Variants in GABRA4 observed in about 807,000 individuals in gnomAD.
GABRA4 encodes the protein gamma-aminobutyric acid receptor subunit alpha-4.
A neutral mutation model predicts 49.7 loss-of-function variants in GABRA4; 12 were observed. The ratio of observed to expected loss-of-function variants is 0.24; its 90% CI spans 0.15 to 0.39. GABRA4 has a LOEUF of 0.39. GABRA4 is among the 10% of genes least tolerant of loss of function. GABRA4 has a pLI of 1.00. For synonymous variants in GABRA4, 288 were observed against 240.2 expected (o/e 1.20, Z -1.84); for missense variants, 506 against 686.0 (o/e 0.74, Z 2.93).
intron 8 of GABRA4, among the ~76,000 whole-genome samples, chr4:46,959,386 T>C (rs891194559): frequency 6.6e-6 from 1 of 151,962 alleles, no homozygotes; most frequent in African/African-American, 2.4e-5. Flanking sequence ...ATATGAAGCA[T>C]ATAATGCAAA....
At chr4:46,991,603 G>A (rs114533777) in intron 2 of GABRA4, among the ~76,000 whole-genome samples, 2,217 of 152,240 alleles carry the variant, frequency 0.015, 50 homozygotes, top group African/African-American at 0.051. Context: ...TCTAATATTA[G>A]ATGATACTCA....
chr4:46,924,985 A>G lies in GABRA4; in HGVS notation c.*3240T>C, dbSNP rs1378235682. The G allele has an allele frequency of 6.6e-6, 1 of 151,966 alleles. No homozygotes were observed. Among genetic ancestry groups the G allele is most frequent in the Admixed American group, 6.6e-5 (1 of 15,228 alleles). 9.4% of individuals were successfully genotyped at this position (151,966 alleles called of 1,614,324 possible). On this transcript the variant is annotated 3_prime_UTR_variant, in exon 9 of 9. Coordinates refer to ENST00000264318, the MANE Select transcript of GABRA4 (RefSeq NM_000809.4). ...CACCTGGTGTCTTTTACTGGAGAAT[A>G]TTTACAAATTGAGAAGAGAAGACCA...
intron 2 of GABRA4, among the ~76,000 whole-genome samples, chr4:46,986,281 G>A (rs191067130): frequency 5.9e-4 from 89 of 151,894 alleles, no homozygotes; most frequent in Non-Finnish European, 1.1e-3. Context: ...TCTCTCGAAT[G>A]CACTCAATCA....
chr4:46,956,908 A>T (rs1722387263), intron 8 of GABRA4, among the ~76,000 whole-genome samples: 1 of 152,100 alleles, frequency 6.6e-6, no homozygotes, highest in Non-Finnish European at 1.5e-5. Flanking sequence ...GTGCTGTATG[A>T]AGCTATAATT....
intron 2 of GABRA4, among the ~76,000 whole-genome samples, chr4:46,992,278 C>T (rs537044344): frequency 1.3e-5 from 2 of 151,958 alleles, no homozygotes; most frequent in Admixed American, 1.3e-4. Flanking sequence ...TGACACATCA[C>T]CAAAAAAGAA....
chr4:46,953,235 C>T (rs1273847834), intron 8 of GABRA4, among the ~76,000 whole-genome samples: 1 of 152,028 alleles, frequency 6.6e-6, no homozygotes, highest in Non-Finnish European at 1.5e-5. Context: ...TAAAATACAC[C>T]TCACCACCAA....
intron 8 of GABRA4, among the ~76,000 whole-genome samples, chr4:46,962,470 A>G (rs1451337397): frequency 6.6e-6 from 1 of 151,970 alleles, no homozygotes; most frequent in Non-Finnish European, 1.5e-5. Context: ...ACACCAAAAA[A>G]TGGAAAAAGA....
chr4:46,966,768 A>T (rs1722768188), intron 7 of GABRA4, among the ~76,000 whole-genome samples: 1 of 151,830 alleles, frequency 6.6e-6, no homozygotes, highest in Non-Finnish European at 1.5e-5. Flanking sequence ...ATTTATAAAG[A>T]TCTGAGAATC....
chr4:46,952,529 C>A (rs1474274299), intron 8 of GABRA4, among the ~76,000 whole-genome samples: 1 of 151,940 alleles, frequency 6.6e-6, no homozygotes, highest in African/African-American at 2.4e-5. Flanking sequence ...TAAGTCATAC[C>A]CAAACTGATG....
intron 8 of GABRA4, among the ~76,000 whole-genome samples, chr4:46,937,887 C>A (rs1235947708): frequency 6.6e-6 from 1 of 152,114 alleles, no homozygotes; most frequent in African/African-American, 2.4e-5. Flanking sequence ...AATATCTTCA[C>A]CTCCCTGAAT....
rs550216325 is a variant in GABRA4 at position 46,931,320 on chromosome 4, C to T, written c.1135-2565G>A. On this transcript the variant is annotated intron_variant, in intron 8 of 8. Transcript: ENST00000264318. ...GTCTTAATAGTATAGTATAAATAGC[C>T]TCAAACACTGCTCTGGTATTGTCTA... Among the ~76,000 whole-genome samples, 27 of 152,138 alleles carry T rather than the reference C, an allele frequency of 1.8e-4. 1 individual carries two copies. Among genetic ancestry groups the T allele is most frequent in the Admixed American group, 1.2e-3 (19 of 15,250 alleles).
At chr4:46,959,627 C>T (rs778419781) in intron 8 of GABRA4, among the ~76,000 whole-genome samples, 1 of 151,340 alleles carries the variant, frequency 6.6e-6, no homozygotes, top group Non-Finnish European at 1.5e-5. Context: ...TTTCAGGGAG[C>T]CCATGGAAGA....
intron 8 of GABRA4, among the ~76,000 whole-genome samples, chr4:46,936,650 C>G (rs1721612607): frequency 6.6e-6 from 1 of 152,150 alleles, no homozygotes; most frequent in Non-Finnish European, 1.5e-5. Flanking sequence ...GCAATCCCAA[C>G]CTACAAGAAT....
intron 3 of GABRA4, among the ~76,000 whole-genome samples, chr4:46,978,400 A>C (rs1173260959): frequency 2.0e-5 from 3 of 152,020 alleles, no homozygotes; most frequent in African/African-American, 7.2e-5. Flanking sequence ...TTCCTAAAGA[A>C]AAAACAGCCG....
At chr4:46,991,791 G>A (rs967092806) in intron 2 of GABRA4, among the ~76,000 whole-genome samples, 1 of 152,150 alleles carries the variant, frequency 6.6e-6, no homozygotes. Context: ...GTTAAACAGA[G>A]TGGTGATGCC....
chr4:46,929,988 G>A (rs1721374497), intron 8 of GABRA4, among the ~76,000 whole-genome samples: 1 of 151,958 alleles, frequency 6.6e-6, no homozygotes. Context: ...TAGACATAAA[G>A]GTTTATTCTA....
chr4:46,982,955 G>A (rs140349027), intron 2 of GABRA4, among the ~76,000 whole-genome samples: 69 of 152,092 alleles, frequency 4.5e-4, no homozygotes, highest in African/African-American at 1.4e-3. Context: ...AACAATAAGC[G>A]AAGATACAAT....
intron 2 of GABRA4, 119 bp downstream of exon 2, chr4:46,992,707 AAG>A (rs1249853630): frequency 1.4e-5 from 11 of 764,662 alleles, no homozygotes; most frequent in South Asian, 7.7e-5. Flanking sequence ...GAGAGATAGA[AAG>A]AGAGAGAGAT....
rs574219397 is a variant in GABRA4 at position 46,970,906 on chromosome 4, G to A, written c.874+177C>T. Among the ~76,000 whole-genome samples the A allele has an allele frequency of 1.7e-4, 26 of 151,618 alleles. No individual in the cohort carries two copies. In the South Asian group the frequency reaches 5.4e-3, roughly 31 times the overall value. On this transcript the variant is annotated intron_variant, in intron 7 of 8. Coordinates refer to ENST00000264318, the MANE Select transcript of GABRA4 (RefSeq NM_000809.4). ...CCTGGCCCCAGAGGAAAGGAAGGAT[G>A]CCCAAATCTCCCCAAGCTTTATTAC...
Sources: gnomAD v4.1 joint callset for allele counts (sites outside exome capture counted in the v4.1 genomes callset) on GRCh38, gnomAD v4.1.1 for gene constraint, MANE v1.5 for transcripts, NCBI Gene and HGNC (gene_info 2026-07-23, HGNC 2026-07-21) for gene names.